Variants in CEP112 observed in about 807,000 individuals in gnomAD.
CEP112 encodes the protein centrosomal protein of 112 kDa.
A neutral mutation model predicts 153.0 loss-of-function variants in CEP112; 127 were observed. The ratio of observed to expected loss-of-function variants is 0.83; its 90% CI spans 0.72 to 0.96. CEP112 has a LOEUF of 0.96. Ranked by LOEUF, CEP112 falls within the 40% of genes least tolerant of loss-of-function variation. The probability of loss-of-function intolerance (pLI) is 0.00; values close to 1 mark genes in which losing one functional copy is unlikely to be tolerated. For synonymous variants in CEP112, 358 were observed against 374.4 expected (o/e 0.96, Z 0.51); for missense variants, 1,089 against 1,101.2 (o/e 0.99, Z 0.16).
rs1568314723 is a variant in CEP112 at position 65,970,468 on chromosome 17, GCA to G, written c.1737-8872_1737-8871del. The stretch of plus-strand genomic sequence containing the variant: ...ATGTATATTACATGCATGCACACAT[GCA>G]TGTATATTACATGCATGCACACTAC... On this transcript the variant is annotated intron_variant, in intron 17 of 26. Coordinates refer to ENST00000535342, the MANE Select transcript of CEP112 (RefSeq NM_001199165.4). Among the ~76,000 whole-genome samples, 3 of 129,614 alleles carry G rather than the reference GCA, an allele frequency of 2.3e-5. No individual in the cohort carries two copies. In the Admixed American group the frequency reaches 2.4e-4, roughly 10 times the overall value. The allele number at this position is 129,614 out of a possible 152,430, so 85.0% of individuals were successfully genotyped here.
At chr17:65,867,951 C>G (rs888180229) in intron 20 of CEP112, among the ~76,000 whole-genome samples, 11 of 151,822 alleles carry the variant, frequency 7.2e-5, no homozygotes, top group African/African-American at 2.7e-4. Flanking sequence ...AAAAAAAACC[C>G]TGATGACTAG....
chr17:66,000,649 G>A (rs1451234751), intron 17 of CEP112, among the ~76,000 whole-genome samples: 8 of 152,106 alleles, frequency 5.3e-5, no homozygotes, highest in Non-Finnish European at 8.8e-5. Flanking sequence ...CACTCTCACC[G>A]TGGTGCTGCT....
At chr17:65,971,602 GTGTGCATA>G (rs1568320687) in intron 17 of CEP112, among the ~76,000 whole-genome samples, 4 of 54,074 alleles carry the variant, frequency 7.4e-5, no homozygotes, top group African/African-American at 1.9e-4. Context: ...CATGCATATT[GTGTGCATA>G]TTATATGTAT....
chr17:65,948,573 ATT>A (rs1382214378), intron 18 of CEP112, among the ~76,000 whole-genome samples: 12 of 114,866 alleles, frequency 1.0e-4, no homozygotes, highest in East Asian at 7.8e-4. Flanking sequence ...GAAAAATATG[ATT>A]TTATATATAT....
At chr17:66,136,647 T>C (rs2070448225) in intron 4 of CEP112, among the ~76,000 whole-genome samples, 1 of 152,158 alleles carries the variant, frequency 6.6e-6, no homozygotes, top group South Asian at 2.1e-4. Context: ...ACTAAGTGCC[T>C]AGGGGCAGCT....
chr17:66,114,782 G>C (rs1246136538), intron 6 of CEP112, among the ~76,000 whole-genome samples: 2 of 152,070 alleles, frequency 1.3e-5, no homozygotes, highest in African/African-American at 4.8e-5. Flanking sequence ...CACTTTGAGA[G>C]GCTATCCAAA....
chr17:66,122,598 C>A (rs953505295), intron 6 of CEP112, among the ~76,000 whole-genome samples: 9 of 152,166 alleles, frequency 5.9e-5, no homozygotes, highest in African/African-American at 2.2e-4. Flanking sequence ...GTGGATTTAG[C>A]AGGGCTCCTC....
intron 20 of CEP112, chr17:65,873,070 T>G (rs1005080384): frequency 6.6e-6 from 1 of 152,238 alleles, no homozygotes; most frequent in Non-Finnish European, 1.5e-5. Context: ...CTCTGTCCCA[T>G]GCAACTTCAG....
At chr17:66,014,504 G>GC (rs931375158) in intron 16 of CEP112, among the ~76,000 whole-genome samples, 2 of 152,120 alleles carry the variant, frequency 1.3e-5, no homozygotes, top group Admixed American at 1.3e-4. Context: ...CCCCGGCCAT[G>GC]CCCCCCTGCA....
At chr17:65,923,850 A>C (rs1193241664) in intron 19 of CEP112, among the ~76,000 whole-genome samples, 5 of 152,186 alleles carry the variant, frequency 3.3e-5, no homozygotes, top group African/African-American at 4.8e-5. Flanking sequence ...ATAATATACA[A>C]AGTGTTCTAA....
At chr17:65,910,204 C>G (rs1244455067) in intron 19 of CEP112, among the ~76,000 whole-genome samples, 1 of 152,150 alleles carries the variant, frequency 6.6e-6, no homozygotes, top group Non-Finnish European at 1.5e-5. Context: ...TCTTTTTCTC[C>G]ATCCCTATCA....
intron 17 of CEP112, among the ~76,000 whole-genome samples, chr17:65,997,800 C>T (rs1210608012): frequency 1.4e-5 from 2 of 142,122 alleles, no homozygotes; most frequent in Non-Finnish European, 3.1e-5. Flanking sequence ...TCCCCCCCCC[C>T]ACACACACAC....
intron 23 of CEP112, among the ~76,000 whole-genome samples, chr17:65,715,442 T>C (rs2049450354): frequency 1.3e-5 from 2 of 152,062 alleles, no homozygotes; most frequent in African/African-American, 4.8e-5. Flanking sequence ...AATGTATTAA[T>C]AACCATAAAA....
chr17:65,996,221 T>C (rs2063787167), intron 17 of CEP112, among the ~76,000 whole-genome samples: 1 of 152,060 alleles, frequency 6.6e-6, no homozygotes, highest in Admixed American at 6.6e-5. Flanking sequence ...ATTATATTTG[T>C]ATCTTTATAA....
chr17:65,715,430 C>A (rs2049449558), intron 23 of CEP112, among the ~76,000 whole-genome samples: 1 of 151,908 alleles, frequency 6.6e-6, no homozygotes, highest in Non-Finnish European at 1.5e-5. Context: ...GAAGAGGCAG[C>A]AAATGTATTA....
intron 21 of CEP112, among the ~76,000 whole-genome samples, chr17:65,775,768 G>T (rs1263586959): frequency 6.6e-6 from 1 of 152,044 alleles, no homozygotes; most frequent in Non-Finnish European, 1.5e-5. Context: ...CTCCCAAAGT[G>T]CTGGGATTAC....
chr17:65,662,072 G>C (rs1204052137), intron 24 of CEP112, among the ~76,000 whole-genome samples: 24 of 152,072 alleles, frequency 1.6e-4, no homozygotes, highest in Non-Finnish European at 7.3e-5. Flanking sequence ...GGGCTCAGGT[G>C]ATCCTCCCAC....
rs547935107 is a variant in CEP112, at chr17:65,738,905, A to G, written c.2607+4163T>C. 3.9e-5 allele frequency among the ~76,000 whole-genome samples: 6 copies of G among 152,102 alleles called. No individual in the cohort carries two copies. The South Asian group carries it at 1.2e-3, about 32-fold the overall frequency. On this transcript the variant is annotated intron_variant, in intron 23 of 26. Coordinates refer to ENST00000535342, the MANE Select transcript of CEP112 (RefSeq NM_001199165.4). Reference sequence around the variant, plus strand: ...CAAATTCTATGCCATTCCTCCCACTATTTCTCCTCTCCTAGATTGGCCACT... The same window carrying G: ...CAAATTCTATGCCATTCCTCCCACTGTTTCTCCTCTCCTAGATTGGCCACT...
chr17:66,151,558 CAA>C, intron 4 of CEP112, among the ~76,000 whole-genome samples: 1 of 152,322 alleles, frequency 6.6e-6, no homozygotes, highest in Admixed American at 6.5e-5. Context: ...GATTAGCTTA[CAA>C]AAAGATTCTA....
Sources: allele counts gnomAD v4.1 joint callset (sites outside exome capture counted in the v4.1 genomes callset), GRCh38; gene constraint gnomAD v4.1.1; transcripts MANE v1.5; gene names NCBI Gene and HGNC (gene_info 2026-07-23, HGNC 2026-07-21).